HMGCLL1: variants seen among roughly 807,000 people sequenced by gnomAD.
The protein encoded by HMGCLL1 is 3-hydroxymethyl-3-methylglutaryl-CoA lyase, cytoplasmic.
Under a neutral mutation model 39.1 loss-of-function variants are expected in HMGCLL1, and 36 were observed. The ratio of observed to expected loss-of-function variants is 0.92; its 90% CI spans 0.71 to 1.22. HMGCLL1 has a LOEUF of 1.22. Ranked by LOEUF, HMGCLL1 falls within the 50% of genes most tolerant of loss-of-function variation. The pLI, the probability that HMGCLL1 is intolerant of heterozygous loss-of-function variation, is 0.00. For missense variants in HMGCLL1, 451 were observed against 416.5 expected, an observed-to-expected ratio of 1.08 and a Z score of -0.72; for synonymous variants, 149 against 144.0, an observed-to-expected ratio of 1.03 and a Z score of -0.25.
At chr6:55,534,040 T>TA (rs761399020) in intron 3 of HMGCLL1, among the ~76,000 whole-genome samples, 64 of 152,122 alleles carry the variant, frequency 4.2e-4, no homozygotes, top group Admixed American at 3.7e-3. Context: ...TGGCGGTGTG[T>TA]GTTCACTGTT....
the HMGCLL1 span, among the ~76,000 whole-genome samples, chr6:55,631,045 G>A: frequency 2.2e-4 from 34 of 151,806 alleles, no homozygotes; most frequent in Admixed American, 2.2e-3. Context: ...ATCTTCTTTG[G>A]TTTAAATCTG....
At chr6:55,446,896 T>C (rs923113508) in intron 7 of HMGCLL1, among the ~76,000 whole-genome samples, 2 of 152,160 alleles carry the variant, frequency 1.3e-5, no homozygotes, top group South Asian at 2.1e-4. Flanking sequence ...TTTGAAGTCA[T>C]CTACATTTTT....
At chr6:55,575,929 A>G (rs1020465582) in intron 1 of HMGCLL1, among the ~76,000 whole-genome samples, 2 of 152,192 alleles carry the variant, frequency 1.3e-5, no homozygotes, top group African/African-American at 4.8e-5. Flanking sequence ...GAAGAAGTCC[A>G]TGGTCTTCAT....
chr6:55,610,234 G>T, the HMGCLL1 span, among the ~76,000 whole-genome samples: 3 of 152,008 alleles, frequency 2.0e-5, no homozygotes, highest in East Asian at 3.9e-4. Flanking sequence ...AACAAACTTT[G>T]CTTAGGTAAA....
the HMGCLL1 span, among the ~76,000 whole-genome samples, chr6:55,631,916 C>A: frequency 1.3e-5 from 2 of 152,108 alleles, no homozygotes; most frequent in East Asian, 3.9e-4. Context: ...AAAGGCACAG[C>A]ACTTTAAGGA....
the HMGCLL1 span, among the ~76,000 whole-genome samples, chr6:55,623,832 AG>A: frequency 6.6e-6 from 1 of 151,988 alleles, no homozygotes; most frequent in South Asian, 2.1e-4. Context: ...TCTACCAGTC[AG>A]GGAATTCTGC....
the HMGCLL1 span, among the ~76,000 whole-genome samples, chr6:55,662,586 G>C: frequency 2.6e-5 from 4 of 151,788 alleles, no homozygotes; most frequent in Non-Finnish European, 5.9e-5. Context: ...TGGTTTGCAA[G>C]AATTTTGGTT....
chr6:55,533,566 TG>T (rs1369588739), intron 3 of HMGCLL1, among the ~76,000 whole-genome samples: 1 of 152,076 alleles, frequency 6.6e-6, no homozygotes, highest in Admixed American at 6.6e-5. Flanking sequence ...CTGAATGATG[TG>T]TGTATTCCAG....
intron 3 of HMGCLL1, among the ~76,000 whole-genome samples, chr6:55,534,604 T>C (rs1470175134): frequency 4.6e-5 from 7 of 152,008 alleles, no homozygotes; most frequent in Non-Finnish European, 7.4e-5. Context: ...AAGAGAGAGG[T>C]GGACAGCAAG....
chr6:55,638,177 G>T, the HMGCLL1 span, among the ~76,000 whole-genome samples: 2 of 151,966 alleles, frequency 1.3e-5, no homozygotes, highest in Non-Finnish European at 2.9e-5. Flanking sequence ...AGGCTGAGGT[G>T]GGTGGATCTC....
chr6:55,603,911 T>C, the HMGCLL1 span, among the ~76,000 whole-genome samples: 1 of 152,130 alleles, frequency 6.6e-6, no homozygotes, highest in Non-Finnish European at 1.5e-5. Flanking sequence ...AGTTAGACTG[T>C]TTTCTCAGCA....
At chr6:55,510,299 C>A (rs1327406919) in intron 5 of HMGCLL1, among the ~76,000 whole-genome samples, 5 of 151,396 alleles carry the variant, frequency 3.3e-5, no homozygotes, top group African/African-American at 1.2e-4. Flanking sequence ...GGGTATATAC[C>A]CAAAGGACTA....
chr6:55,628,126 A>T, the HMGCLL1 span, among the ~76,000 whole-genome samples: 1 of 1,294 alleles, frequency 7.7e-4, no homozygotes, highest in Non-Finnish European at 1.5e-3. Context: ...TATAAAATAA[A>T]TATATATAGT....
At chr6:55,587,028 C>T in the HMGCLL1 span, among the ~76,000 whole-genome samples, 1 of 152,044 alleles carries the variant, frequency 6.6e-6, no homozygotes, top group East Asian at 1.9e-4. Context: ...TAAAAGTGTT[C>T]CTATTTCTCC....
intron 7 of HMGCLL1, among the ~76,000 whole-genome samples, chr6:55,467,283 C>A (rs1402123178): frequency 1.0e-5 from 1 of 97,608 alleles, no homozygotes; most frequent in African/African-American, 6.4e-5. Flanking sequence ...ATATTGCCTC[C>A]ATGTAATACA....
the HMGCLL1 span, among the ~76,000 whole-genome samples, chr6:55,662,762 A>G: frequency 8.7e-4 from 132 of 151,876 alleles, no homozygotes; most frequent in African/African-American, 3.1e-3. Context: ...GAAAGGTACC[A>G]GCTTTTCTTT....
chr6:55,644,103 T>C, the HMGCLL1 span, among the ~76,000 whole-genome samples: 62,107 of 151,910 alleles, frequency 0.41, 13,323 homozygotes, highest in Middle Eastern at 0.56. Context: ...CCATTTTAAG[T>C]GGGGTGAGAT....
intron 3 of HMGCLL1, among the ~76,000 whole-genome samples, chr6:55,516,832 G>C (rs182928084): frequency 6.6e-6 from 1 of 152,022 alleles, no homozygotes; most frequent in African/African-American, 2.4e-5. Flanking sequence ...TGTAAAATGA[G>C]TTATTACAGA....
the HMGCLL1 span, among the ~76,000 whole-genome samples, chr6:55,654,096 A>G: frequency 9.8e-4 from 149 of 152,074 alleles, no homozygotes; most frequent in Non-Finnish European, 1.9e-3. Flanking sequence ...TAAGGAGTGT[A>G]AATGCCAACA....
Sources: allele counts gnomAD v4.1 joint callset (sites outside exome capture counted in the v4.1 genomes callset), GRCh38; gene constraint gnomAD v4.1.1; transcripts MANE v1.5; gene names NCBI Gene and HGNC (gene_info 2026-07-23, HGNC 2026-07-21).